WDR36: variants seen among roughly 807,000 people sequenced by gnomAD.
WDR36 encodes WD repeat-containing protein 36.
A neutral mutation model predicts 112.7 loss-of-function variants in WDR36; 63 were observed. That is an observed-to-expected ratio of 0.56 (90% CI 0.46 to 0.69). WDR36 has a LOEUF of 0.69. Among genes scored for constraint, WDR36 ranks in the 30% least tolerant of loss-of-function variants. WDR36 has a pLI of 0.00. For synonymous variants in WDR36, 410 were observed against 362.2 expected, an observed-to-expected ratio of 1.13 and a Z score of -1.50; for missense variants, 1,226 against 1,070.3, an observed-to-expected ratio of 1.15 and a Z score of -2.03.
At chr5:111,118,585 A>T (rs926090240) in intron 16 of WDR36, among the ~76,000 whole-genome samples, 1 of 152,100 alleles carries the variant, frequency 6.6e-6, no homozygotes, top group East Asian at 1.9e-4. Context: ...CCATTTTGTT[A>T]TATTACTTTC....
At chr5:111,093,971 C>T (rs985066474) in intron 1 of WDR36, among the ~76,000 whole-genome samples, 5 of 152,066 alleles carry the variant, frequency 3.3e-5, no homozygotes, top group Admixed American at 1.3e-4. Flanking sequence ...CTGTACACTG[C>T]TCAGATTAAC....
chr5:111,126,715 A>G lies in WDR36; in HGVS notation c.2539-19A>G, dbSNP rs764670578. 2 of 1,612,512 alleles carry G rather than the reference A, an allele frequency of 1.2e-6. No homozygotes were observed. The highest frequency in any genetic ancestry group is 2.2e-5 in the South Asian group (2 of 90,918). On this transcript the variant is annotated intron_variant, in intron 22 of 22. Coordinates refer to ENST00000513710, the MANE Select transcript of WDR36 (RefSeq NM_139281.3). ...TTTTAATTTTCTTAAATGTTCAATC[A>G]TCATATTTTTCTTTGCAGTTACACC...
At chr5:111,125,941 G>A (rs1753671996) in intron 22 of WDR36, 146 bp downstream of exon 22, 2 of 750,534 alleles carry the variant, frequency 2.7e-6, no homozygotes, top group Non-Finnish European at 4.5e-6. Flanking sequence ...TTGAGTTCTT[G>A]AAATGTAAAT....
intron 6 of WDR36, 64 bp downstream of exon 6, chr5:111,102,463 AATCAATC>A: frequency 6.8e-7 from 1 of 1,479,220 alleles, no homozygotes; most frequent in Non-Finnish European, 9.4e-7. Flanking sequence ...CAGTTTCAGG[AATCAATC>A]ATAATTTTAG....
In WDR36 at chr5:111,092,571, C is replaced by A. The variant is rs772030651; in HGVS notation, c.115C>A (p.Arg39=). ...HVVRFSALKR[R]FYVTTCVGKS... is the part of the protein sequence containing the mutation. ...GGTGCGGTTCAGCGCGCTCAAGCGC[C>A]GGTTCTATGTAACAACCTGCGTGGG... The change falls in exon 1 of 23, where the codon CGG becomes AGG. Residue 39 remains arginine (R), a synonymous_variant. Coordinates refer to ENST00000513710, the MANE Select transcript of WDR36 (RefSeq NM_139281.3). 4 of 1,614,122 alleles carry A rather than the reference C, an allele frequency of 2.5e-6. No individual in the cohort carries two copies. Among genetic ancestry groups the A allele is most frequent in the Admixed American group, 1.7e-5 (1 of 60,030 alleles).
In WDR36 at chr5:111,129,201, G is replaced by T. The variant is rs1257048907; in HGVS notation, c.*2318G>T. 1 of 197,364 alleles carries T rather than the reference G, an allele frequency of 5.1e-6. No homozygotes were observed. Among genetic ancestry groups the T allele is most frequent in the African/African-American group, 2.3e-5 (1 of 43,330 alleles). 12.2% of individuals were successfully genotyped at this position (197,364 alleles called of 1,614,324 possible). On this transcript the variant is annotated 3_prime_UTR_variant, in exon 23 of 23. Coordinates refer to ENST00000513710, the MANE Select transcript of WDR36 (RefSeq NM_139281.3). Reference sequence around the variant, plus strand: ...TTTATAATTACAAACAATGCTGAAAGGAACATCATCCTACATGAGCCCTTT... The same window carrying T: ...TTTATAATTACAAACAATGCTGAAATGAACATCATCCTACATGAGCCCTTT...
intron 22 of WDR36, 48 bp downstream of exon 22, chr5:111,125,843 C>T: frequency 6.2e-7 from 1 of 1,602,932 alleles, no homozygotes; most frequent in Non-Finnish European, 8.5e-7. Flanking sequence ...TCTTCTGGGG[C>T]AGTGCTATCT....
chr5:111,106,915 C>T (rs1753231737), intron 11 of WDR36, among the ~76,000 whole-genome samples: 1 of 151,296 alleles, frequency 6.6e-6, no homozygotes, highest in African/African-American at 2.4e-5. Context: ...GTAATTTCTA[C>T]TTGTTCTACT....
chr5:111,097,186 A>T lies in WDR36; in HGVS notation c.291+7A>T. 2.5e-6 allele frequency: 4 copies of T among 1,598,232 alleles called. No individual in the cohort carries two copies. Among genetic ancestry groups the T allele is most frequent in the Non-Finnish European group, 2.6e-6 (3 of 1,166,132 alleles). On this transcript the variant is annotated splice_region_variant and intron_variant, in intron 3 of 22. Transcript: ENST00000513710. The stretch of plus-strand genomic sequence containing the variant: ...ATTTGCCCGTAATAAAGAGGTTGGT[A>T]TCGCTAAACTACTTGTTTGTCAGTC...
intron 4 of WDR36, 56 bp downstream of exon 4, chr5:111,098,895 A>G: frequency 8.0e-7 from 1 of 1,246,650 alleles, no homozygotes; most frequent in Non-Finnish European, 1.2e-6. Context: ...TTTAATTAAA[A>G]TTTAAAATCT....
rs1310643395 is a variant in WDR36 at position 111,104,086 on chromosome 5, CT to C, written c.731-88del. 8 of 1,425,656 alleles carry C rather than the reference CT, an allele frequency of 5.6e-6. No homozygotes were observed. The African/African-American group carries it at 1.0e-4, about 18-fold the overall frequency. The allele number at this position is 1,425,656 out of a possible 1,614,324, so 88.3% of individuals were successfully genotyped here. ...TTATTGGTATATAGTTTTTTTCTAA[CT>C]TTATGGATTAAAAGGGAAGAGAGAA... On this transcript the variant is annotated intron_variant, in intron 7 of 22. Transcript: ENST00000513710.
intron 12 of WDR36, among the ~76,000 whole-genome samples, chr5:111,109,159 C>T (rs1487764687): frequency 6.6e-6 from 1 of 151,248 alleles, no homozygotes; most frequent in East Asian, 1.9e-4. Context: ...AATGTAGGGC[C>T]TGTATTACTT....
At chr5:111,096,485 C>T (rs1217581446) in intron 2 of WDR36, among the ~76,000 whole-genome samples, 1 of 152,140 alleles carries the variant, frequency 6.6e-6, no homozygotes, top group Non-Finnish European at 1.5e-5. Flanking sequence ...GGGCAGATCA[C>T]CTGAGGTCAG....
intron 16 of WDR36, among the ~76,000 whole-genome samples, chr5:111,115,283 C>T (rs1753432746): frequency 6.6e-6 from 1 of 152,076 alleles, no homozygotes; most frequent in Admixed American, 6.6e-5. Context: ...AATAACTATC[C>T]AACAACTGCT....
intron 22 of WDR36, among the ~76,000 whole-genome samples, chr5:111,126,362 A>G (rs1753678916): frequency 6.6e-6 from 1 of 152,024 alleles, no homozygotes; most frequent in Non-Finnish European, 1.5e-5. Context: ...TTGAGGGTCT[A>G]CTTTAGTGGT....
chr5:111,121,563 C>CA (rs1367518485), intron 19 of WDR36, among the ~76,000 whole-genome samples: 1 of 152,128 alleles, frequency 6.6e-6, no homozygotes, highest in Non-Finnish European at 1.5e-5. Flanking sequence ...CTTTATCTCA[C>CA]ACCACACCCT....
In WDR36 at chr5:111,107,422, G is replaced by A. The variant is rs150350973; in HGVS notation, c.1309G>A (p.Asp437Asn). The part of the protein sequence containing the change: ...YFLKPKELKK[D>N]DITATAVDIT... ...TCTCAAGCCAAAAGAGTTGAAGAAA[G>A]ATGACATAACTGCAACAGTAAGTGA... Residue 437 changes from aspartate to asparagine, a missense_variant, in exon 12 of 23, where the codon GAT (aspartate) becomes AAT (asparagine). Asp to Asn is a conservative substitution (Grantham distance 23, BLOSUM62 1). Coordinates refer to ENST00000513710, the MANE Select transcript of WDR36 (RefSeq NM_139281.3). The A allele has an allele frequency of 9.3e-6, 15 of 1,610,068 alleles. No homozygotes were observed. The African/African-American group carries it at 2.0e-4, about 22-fold the overall frequency.
At chr5:111,101,709 A>T (rs551811556) in intron 5 of WDR36, among the ~76,000 whole-genome samples, 2 of 151,964 alleles carry the variant, frequency 1.3e-5, no homozygotes, top group East Asian at 3.9e-4. Flanking sequence ...GGAAAATAAG[A>T]TTATTAAAGG....
intron 12 of WDR36, among the ~76,000 whole-genome samples, chr5:111,108,841 C>T (rs1753269661): frequency 6.6e-6 from 1 of 151,120 alleles, no homozygotes; most frequent in Non-Finnish European, 1.5e-5. Flanking sequence ...TCTTATAGCC[C>T]ATAGGGATCA....
Sources: allele counts gnomAD v4.1 joint callset (sites outside exome capture counted in the v4.1 genomes callset), GRCh38; gene constraint gnomAD v4.1.1; transcripts MANE v1.5; gene names NCBI Gene and HGNC (gene_info 2026-07-23, HGNC 2026-07-21).